Variants in DACH1 observed in about 807,000 individuals in gnomAD.
DACH1 encodes the protein dachshund family transcription factor 1.
A neutral mutation model predicts 54.2 loss-of-function variants in DACH1; 12 were observed. The ratio of observed to expected loss-of-function variants is 0.22; its 90% CI spans 0.14 to 0.36. The LOEUF is 0.36. Ranked by LOEUF, DACH1 falls within the 10% of genes least tolerant of loss-of-function variation. The pLI is 1.00. For synonymous variants in DACH1, 386 were observed against 366.2 expected (o/e 1.05, Z -0.62); for missense variants, 805 against 929.8 (o/e 0.87, Z 1.75).
At chr13:71,738,624 C>T (rs769368110) in intron 1 of DACH1, among the ~76,000 whole-genome samples, 5 of 148,038 alleles carry the variant, frequency 3.4e-5, no homozygotes, top group African/African-American at 7.5e-5. Flanking sequence ...CCCAGCTACT[C>T]AGGAGGCTGA....
intron 10 of DACH1, among the ~76,000 whole-genome samples, chr13:71,443,295 T>C (rs1042318186): frequency 2.0e-5 from 3 of 151,794 alleles, no homozygotes; most frequent in African/African-American, 4.8e-5. Flanking sequence ...AGTTGCTAAA[T>C]AGCCTTAGCT....
At chr13:71,547,998 T>G (rs903101222) in intron 6 of DACH1, among the ~76,000 whole-genome samples, 9 of 152,318 alleles carry the variant, frequency 5.9e-5, no homozygotes, top group African/African-American at 2.2e-4. Flanking sequence ...CAAGAGAAGT[T>G]AAAGCATTTG....
chr13:71,812,031 C>T (rs1887733344), intron 1 of DACH1, among the ~76,000 whole-genome samples: 2 of 152,146 alleles, frequency 1.3e-5, no homozygotes, highest in African/African-American at 4.8e-5. Flanking sequence ...AAATGGTCTA[C>T]AGCTGTTTAA....
intron 1 of DACH1, among the ~76,000 whole-genome samples, chr13:71,700,472 C>T (rs780182498): frequency 8.1e-5 from 12 of 148,030 alleles, no homozygotes; most frequent in Non-Finnish European, 1.8e-4. Flanking sequence ...AGGAGAATCA[C>T]ATGAACCCGG....
At chr13:71,689,485 T>C (rs1016207521) in intron 1 of DACH1, among the ~76,000 whole-genome samples, 2 of 152,124 alleles carry the variant, frequency 1.3e-5, no homozygotes, top group Non-Finnish European at 2.9e-5. Flanking sequence ...TCAAAAAAAT[T>C]AATATCAGTA....
At chr13:71,703,416 T>G (rs183244792) in intron 1 of DACH1, among the ~76,000 whole-genome samples, 2 of 152,296 alleles carry the variant, frequency 1.3e-5, no homozygotes, top group East Asian at 3.9e-4. Flanking sequence ...TGAGAGCGCA[T>G]GGGTCAGCAG....
intron 1 of DACH1, among the ~76,000 whole-genome samples, chr13:71,716,490 A>G (rs1327290316): frequency 6.6e-6 from 1 of 152,068 alleles, no homozygotes; most frequent in African/African-American, 2.4e-5. Flanking sequence ...TGCTTTACAG[A>G]TCTAATCCTT....
intron 1 of DACH1, among the ~76,000 whole-genome samples, chr13:71,798,723 C>A (rs1887164344): frequency 6.6e-6 from 1 of 151,930 alleles, no homozygotes; most frequent in Non-Finnish European, 1.5e-5. Flanking sequence ...TGCAGAAATC[C>A]CTGCCAAGCA....
intron 6 of DACH1, among the ~76,000 whole-genome samples, chr13:71,540,422 T>C (rs1379956833): frequency 6.6e-6 from 1 of 152,114 alleles, no homozygotes; most frequent in Non-Finnish European, 1.5e-5. Context: ...ATAGATTCTG[T>C]CACATTTAAC....
intron 6 of DACH1, among the ~76,000 whole-genome samples, chr13:71,529,514 A>G (rs1387704376): frequency 2.0e-5 from 3 of 152,104 alleles, no homozygotes; most frequent in African/African-American, 7.2e-5. Context: ...CTATATTTAT[A>G]CAAATCGTAG....
chr13:71,472,763 G>C (rs930372380), intron 10 of DACH1, among the ~76,000 whole-genome samples: 9 of 152,284 alleles, frequency 5.9e-5, no homozygotes, highest in African/African-American at 9.6e-5. Flanking sequence ...GCATGACATA[G>C]ACCGTTTCAC....
At chr13:71,854,876 T>A (rs1478697739) in intron 1 of DACH1, among the ~76,000 whole-genome samples, 2 of 152,084 alleles carry the variant, frequency 1.3e-5, no homozygotes, top group African/African-American at 4.8e-5. Context: ...AGAACTGATA[T>A]GATTTTTCAT....
intron 1 of DACH1, among the ~76,000 whole-genome samples, chr13:71,826,249 G>A (rs148052083): frequency 6.8e-4 from 104 of 152,030 alleles, no homozygotes; most frequent in Middle Eastern, 3.4e-3. Flanking sequence ...ATTTTGATAA[G>A]CACTGAATTT....
At chr13:71,631,309 TC>T (rs1817478183) in intron 2 of DACH1, among the ~76,000 whole-genome samples, 1 of 152,166 alleles carries the variant, frequency 6.6e-6, no homozygotes, top group South Asian at 2.1e-4. Flanking sequence ...TCATTAGAAG[TC>T]TTCCCATTCC....
At chr13:71,667,046 T>G (rs8002931) in intron 2 of DACH1, among the ~76,000 whole-genome samples, 114,837 of 152,032 alleles carry the variant, frequency 0.76, 45,464 homozygotes, top group Non-Finnish European at 0.89. Context: ...TTATGTACAG[T>G]TTTTTTCATA....
In DACH1 at chr13:71,638,997, T is replaced by C. The variant is rs1270023471; in HGVS notation, c.965-8280A>G. On this transcript the variant is annotated intron_variant, in intron 2 of 10. Transcript: ENST00000613252. ...CTCCTGACAGTTCCTATAGACTCTT[T>C]GCAAAACTCTGTTGAAGGTGCATTG... Among the ~76,000 whole-genome samples, 2 of 152,158 alleles carry C rather than the reference T, an allele frequency of 1.3e-5. 1 individual carries two copies. Among genetic ancestry groups the C allele is most frequent in the Non-Finnish European group, 2.9e-5 (2 of 68,008 alleles).
chr13:71,706,771 T>C (rs1882470687), intron 1 of DACH1, among the ~76,000 whole-genome samples: 1 of 152,172 alleles, frequency 6.6e-6, no homozygotes, highest in Non-Finnish European at 1.5e-5. Context: ...TTAAAATGCA[T>C]TAATTCTCAT....
In DACH1 at chr13:71,692,506, C is replaced by CTTTTTTTTTTTTTTTTTTTTTTT. The variant is rs398023338; in HGVS notation, c.849-10619_849-10597dup. On this transcript the variant is annotated intron_variant, in intron 1 of 10. Coordinates refer to ENST00000613252, the MANE Select transcript of DACH1 (RefSeq NM_080759.6). ...CCTTTCTTTTTCTTTCTTTTCTTTC[C>CTTTTTTTTTTTTTTTTTTTTTTT]TTTTTTTTTTTTTTTTTTTTTTTTT... 2.7e-4 allele frequency among the ~76,000 whole-genome samples: 12 copies of CTTTTTTTTTTTTTTTTTTTTTTT among 44,438 alleles called. 2 individuals carry two copies. The highest frequency in any genetic ancestry group is 8.4e-4 in the African/African-American group (7 of 8,332). 29.2% of individuals were successfully genotyped at this position (44,438 alleles called of 152,430 possible). A position where few individuals can be genotyped will look rare whatever the true frequency, so the allele number is the denominator to read the frequency against.
chr13:71,816,136 T>C (rs1482496435), intron 1 of DACH1, among the ~76,000 whole-genome samples: 1 of 152,088 alleles, frequency 6.6e-6, no homozygotes, highest in Admixed American at 6.6e-5. Flanking sequence ...AAAACTAAGA[T>C]TGTCTTAAAA....
Sources: allele counts gnomAD v4.1 joint callset (sites outside exome capture counted in the v4.1 genomes callset), GRCh38; gene constraint gnomAD v4.1.1; transcripts MANE v1.5; gene names NCBI Gene and HGNC (gene_info 2026-07-23, HGNC 2026-07-21).